Variants in SLC16A7 observed in about 807,000 individuals in gnomAD.
The protein encoded by SLC16A7 is monocarboxylate transporter 2.
In SLC16A7, 33 loss-of-function variants were observed where a neutral mutation model predicts 34.9. That is an observed-to-expected ratio of 0.94 (90% CI 0.72 to 1.26). The LOEUF (loss-of-function observed/expected upper bound fraction) is 1.26, where lower values mean the gene tolerates loss of function less well. Ranked by LOEUF, SLC16A7 falls within the 50% of genes most tolerant of loss-of-function variation. The pLI, the probability that SLC16A7 is intolerant of heterozygous loss-of-function variation, is 0.00. For missense variants in SLC16A7, 573 were observed against 578.1 expected, an observed-to-expected ratio of 0.99 and a Z score of 0.09; for synonymous variants, 201 against 206.6, an observed-to-expected ratio of 0.97 and a Z score of 0.23.
intron 1 of SLC16A7, among the ~76,000 whole-genome samples, chr12:59,601,725 A>C (rs947646653): frequency 2.0e-5 from 3 of 152,198 alleles, no homozygotes; most frequent in Non-Finnish European, 4.4e-5. Context: ...GGGTGCTGGC[A>C]TGGTCCAGGT....
chr12:59,621,272 T>C (rs1402765516), intron 1 of SLC16A7, among the ~76,000 whole-genome samples: 1 of 151,778 alleles, frequency 6.6e-6, no homozygotes, highest in African/African-American at 2.4e-5. Context: ...CCATGTTGTT[T>C]ATAGTCTTCT....
At chr12:59,659,071 C>T (rs1592444503) in intron 2 of SLC16A7, among the ~76,000 whole-genome samples, 1 of 151,938 alleles carries the variant, frequency 6.6e-6, no homozygotes, top group South Asian at 2.1e-4. Context: ...TATTATTTTG[C>T]CTCGTACCTT....
chr12:59,707,347 T>C (rs965542206), intron 3 of SLC16A7, among the ~76,000 whole-genome samples: 3 of 152,014 alleles, frequency 2.0e-5, no homozygotes, highest in Non-Finnish European at 2.9e-5. Flanking sequence ...GTTTATAGAC[T>C]TGCCTATGAC....
chr12:59,726,671 G>C (rs575568305), intron 3 of SLC16A7, among the ~76,000 whole-genome samples: 1 of 152,118 alleles, frequency 6.6e-6, no homozygotes, highest in Admixed American at 6.5e-5. Flanking sequence ...AGGACCAGGA[G>C]ATCTGATTTC....
rs141089749 is a variant in SLC16A7, at chr12:59,630,546, G to A, written c.-129-24606G>A. On this transcript the variant is annotated intron_variant, in intron 1 of 5. Coordinates refer to ENST00000547379, the MANE Select transcript of SLC16A7 (RefSeq NM_001270623.2). ...AAATTACTTGGCTCATCCTCAGAGTGCTCAAAACAAGTCAGCTTTCTTCTT... is the reference window on the plus strand; with the variant it reads ...AAATTACTTGGCTCATCCTCAGAGTACTCAAAACAAGTCAGCTTTCTTCTT... 1.3e-3 allele frequency among the ~76,000 whole-genome samples: 199 copies of A among 151,976 alleles called. 1 individual carries two copies. Among genetic ancestry groups the A allele is most frequent in the African/African-American group, 4.1e-3 (171 of 41,532 alleles).
intron 1 of SLC16A7, among the ~76,000 whole-genome samples, chr12:59,641,232 C>T (rs1271009921): frequency 6.6e-6 from 1 of 152,006 alleles, no homozygotes; most frequent in East Asian, 1.9e-4. Flanking sequence ...CAATTTCCAC[C>T]ATGTCTTATT....
In SLC16A7 at chr12:59,774,966, A is replaced by G; in HGVS notation, c.671A>G (p.Lys224Arg). The change falls in exon 5 of 6, where the codon AAA becomes AGA. Residue 224 changes from lysine (K) to arginine (R), a missense_variant. Transcript: ENST00000547379. ...TEDDSSPKKI[K>R]TKKSTWEKVN... Reference sequence around the variant, plus strand: ...GATGATTCAAGCCCAAAGAAAATCAAAACGAAGAAATCAACTTGGGAAAAA... The same window carrying G: ...GATGATTCAAGCCCAAAGAAAATCAGAACGAAGAAATCAACTTGGGAAAAA... The G allele has an allele frequency of 1.2e-6, 2 of 1,613,970 alleles. No homozygotes were observed. The highest frequency in any genetic ancestry group is 1.7e-6 in the Non-Finnish European group (2 of 1,179,946).
intron 3 of SLC16A7, among the ~76,000 whole-genome samples, chr12:59,721,739 A>T (rs1032433606): frequency 6.6e-6 from 1 of 151,894 alleles, no homozygotes; most frequent in Admixed American, 6.6e-5. Flanking sequence ...AATGCTACCA[A>T]TGTAGTGGTC....
chr12:59,705,111 C>G, intron 3 of SLC16A7, 93 bp downstream of exon 3: 8 of 846,290 alleles, frequency 9.5e-6, no homozygotes. Context: ...ATATTAAAAC[C>G]CTGTTTTTAT....
chr12:59,666,948 C>T (rs1301615231), intron 2 of SLC16A7, among the ~76,000 whole-genome samples: 3 of 152,124 alleles, frequency 2.0e-5, no homozygotes, highest in African/African-American at 7.2e-5. Flanking sequence ...TAAAGACATT[C>T]CAGAGACTGG....
chr12:59,697,641 G>T (rs1408908601), intron 2 of SLC16A7, among the ~76,000 whole-genome samples: 1 of 150,508 alleles, frequency 6.6e-6, no homozygotes, highest in African/African-American at 2.4e-5. Flanking sequence ...AGCCAACCTC[G>T]TCTCAGGCAC....
At chr12:59,610,060 GT>G (rs1879125750) in intron 1 of SLC16A7, among the ~76,000 whole-genome samples, 1 of 152,098 alleles carries the variant, frequency 6.6e-6, no homozygotes. Flanking sequence ...GGAAACAAAG[GT>G]TTATTTCCAA....
intron 3 of SLC16A7, among the ~76,000 whole-genome samples, chr12:59,762,808 G>A (rs68028492): frequency 0.27 from 40,066 of 146,992 alleles, 5,400 homozygotes; most frequent in East Asian, 0.31. Flanking sequence ...AGCATAATGA[G>A]ACCACATCTT....
At position 59,782,618 on chromosome 12, in the gene SLC16A7, A is replaced by G. The variant is rs1883326393; in HGVS notation, c.*2939A>G. ...TTAAATCAAGGTATCCAGATAATTCATGGCTACTTTAACTATTTTTTCATT... is the reference window on the plus strand; with the variant it reads ...TTAAATCAAGGTATCCAGATAATTCGTGGCTACTTTAACTATTTTTTCATT... On this transcript the variant is annotated 3_prime_UTR_variant, in exon 6 of 6. Transcript: ENST00000547379. The G allele has an allele frequency of 6.6e-6, 1 of 152,194 alleles. No individual in the cohort carries two copies. The highest frequency in any genetic ancestry group is 1.5e-5 in the Non-Finnish European group (1 of 68,032). 9.4% of individuals were successfully genotyped at this position (152,194 alleles called of 1,614,324 possible).
At position 59,732,453 on chromosome 12, in the gene SLC16A7, T is replaced by C. The variant is rs569873570; in HGVS notation, c.217+27435T>C. On this transcript the variant is annotated intron_variant, in intron 3 of 5. Coordinates refer to ENST00000547379, the MANE Select transcript of SLC16A7 (RefSeq NM_001270623.2). The stretch of plus-strand genomic sequence containing the variant: ...AAAAAATGCTATAGTTTTAGTACTA[T>C]GTCAGAAAACATAATGGCTCCTGAA... Among the ~76,000 whole-genome samples, 6 of 152,300 alleles carry C rather than the reference T, an allele frequency of 3.9e-5. No individual in the cohort carries two copies. In the East Asian group the frequency reaches 9.7e-4, roughly 25 times the overall value.
intron 3 of SLC16A7, among the ~76,000 whole-genome samples, chr12:59,746,519 A>G (rs1878907170): frequency 6.6e-6 from 1 of 152,198 alleles, no homozygotes; most frequent in African/African-American, 2.4e-5. Context: ...AAGAAAACTT[A>G]GAAAGTGAGA....
intron 1 of SLC16A7, among the ~76,000 whole-genome samples, chr12:59,599,882 A>C (rs1207612720): frequency 6.6e-6 from 1 of 152,172 alleles, no homozygotes; most frequent in African/African-American, 2.4e-5. Flanking sequence ...AAGGCATCCT[A>C]TCTCTCTTCC....
intron 2 of SLC16A7, among the ~76,000 whole-genome samples, chr12:59,668,639 A>G (rs1041077103): frequency 2.6e-5 from 4 of 152,092 alleles, no homozygotes; most frequent in African/African-American, 7.2e-5. Context: ...GAGACTTTGG[A>G]TGTAGACTTT....
intron 1 of SLC16A7, among the ~76,000 whole-genome samples, chr12:59,626,239 G>GT (rs34889375): frequency 6.6e-6 from 1 of 151,284 alleles, no homozygotes. Context: ...AGTCCCTGAG[G>GT]TTTTTTTGTT....
Sources: allele counts gnomAD v4.1 joint callset (sites outside exome capture counted in the v4.1 genomes callset), GRCh38; gene constraint gnomAD v4.1.1; transcripts MANE v1.5; gene names NCBI Gene and HGNC (gene_info 2026-07-23, HGNC 2026-07-21).